ARHGEF6: variants seen among roughly 807,000 people sequenced by gnomAD.
The protein encoded by ARHGEF6 is Rac/Cdc42 guanine nucleotide exchange factor 6.
In ARHGEF6, 9 loss-of-function variants were observed where a neutral mutation model predicts 70.3. The observed-to-expected ratio is 0.13, with a 90% CI of 0.08 to 0.22. ARHGEF6 has a LOEUF of 0.22. Among genes scored for constraint, ARHGEF6 ranks in the 10% least tolerant of loss-of-function variants. The probability of loss-of-function intolerance (pLI) is 1.00; values close to 1 mark genes in which losing one functional copy is unlikely to be tolerated. For missense variants in ARHGEF6, 470 were observed against 563.0 expected, an observed-to-expected ratio of 0.83 and a Z score of 1.67; for synonymous variants, 201 against 207.8, an observed-to-expected ratio of 0.97 and a Z score of 0.28.
At chrX:136,729,038 CT>C in intron 6 of ARHGEF6, among the ~76,000 whole-genome samples, 1 of 96,189 alleles carries the variant, frequency 1.0e-5, no homozygotes, top group Non-Finnish European at 2.1e-5. Context: ...CTCTCTCTCT[CT>C]CTCTCTCTCT....
At chrX:136,764,267 C>T (rs2077291816) in intron 2 of ARHGEF6, among the ~76,000 whole-genome samples, 1 of 111,671 alleles carries the variant, frequency 9.0e-6, no homozygotes, top group African/African-American at 3.3e-5. Flanking sequence ...AGCAGTGACA[C>T]TGTAATGCAT....
chrX:136,697,244 C>T (rs1048196352), intron 9 of ARHGEF6, among the ~76,000 whole-genome samples: 1 of 111,690 alleles, frequency 9.0e-6, no homozygotes, highest in Non-Finnish European at 1.9e-5. Flanking sequence ...AGCTTAAGAG[C>T]TCTTGCCAAA....
At chrX:136,740,752 C>T (rs1164866231) in intron 5 of ARHGEF6, among the ~76,000 whole-genome samples, 2 of 111,748 alleles carry the variant, frequency 1.8e-5, no homozygotes, top group Non-Finnish European at 3.8e-5. Flanking sequence ...TGTTCACTTC[C>T]CAGGTCCCCT....
rs907177107 is a variant in ARHGEF6, at chrX:136,745,495, A to G, written c.335-148T>C. 3.8e-6 allele frequency: 3 copies of G among 780,796 alleles called. No individual in the cohort carries two copies. In the African/African-American group the frequency reaches 6.2e-5, roughly 16 times the overall value. 64.3% of individuals were successfully genotyped at this position (780,796 alleles called of 1,213,427 possible). On this transcript the variant is annotated intron_variant, in intron 3 of 21. Coordinates refer to ENST00000250617, the MANE Select transcript of ARHGEF6 (RefSeq NM_004840.3). ...TTATGAACATGCCAAGTGTATTTCA[A>G]TCCCCCTTCCCTTTTTGGTGGCCAA...
Position 136,665,683 on chromosome X carries a change from G to A in ARHGEF6, c.*2346C>T, listed in dbSNP as rs41312580. On this transcript the variant is annotated 3_prime_UTR_variant, in exon 22 of 22. Coordinates refer to ENST00000250617, the MANE Select transcript of ARHGEF6 (RefSeq NM_004840.3). The stretch of plus-strand genomic sequence containing the variant: ...AGAAAAGGAACTGAAAGGCCTCTAC[G>A]GGCAGCAGTTTAATTACAGGGCAAC... 7.6e-3 allele frequency: 861 copies of A among 112,740 alleles called. 13 individuals carry two copies. The highest frequency in any genetic ancestry group is 0.029 in the East Asian group (107 of 3,699). 9.3% of individuals were successfully genotyped at this position (112,740 alleles called of 1,213,427 possible).
intron 5 of ARHGEF6, among the ~76,000 whole-genome samples, chrX:136,733,861 G>T (rs1340654254): frequency 8.9e-6 from 1 of 111,899 alleles, no homozygotes; most frequent in African/African-American, 3.2e-5. Context: ...GATACCCAGA[G>T]ATAAAGCTAC....
At chrX:136,755,464 G>T (rs937543750) in intron 2 of ARHGEF6, among the ~76,000 whole-genome samples, 1 of 111,567 alleles carries the variant, frequency 9.0e-6, no homozygotes, top group Non-Finnish European at 1.9e-5. Flanking sequence ...TGGAGAGAAG[G>T]CTCCCTTGGT....
At chrX:136,749,379 T>G (rs1260020273) in intron 2 of ARHGEF6, among the ~76,000 whole-genome samples, 1 of 111,541 alleles carries the variant, frequency 9.0e-6, no homozygotes, top group Non-Finnish European at 1.9e-5. Flanking sequence ...TCAGTCCTAA[T>G]GGGAGTGTGC....
chrX:136,772,690 C>T (rs1343981206), intron 2 of ARHGEF6, among the ~76,000 whole-genome samples: 1 of 111,334 alleles, frequency 9.0e-6, no homozygotes, highest in Non-Finnish European at 1.9e-5. Context: ...GGCAAAACCC[C>T]GTCTCTACTT....
chrX:136,676,510 C>T lies in ARHGEF6; in HGVS notation c.1945+114G>A, dbSNP rs780228205. 70 of 567,292 alleles carry T rather than the reference C, an allele frequency of 1.2e-4. No individual in the cohort carries two copies. In the South Asian group the frequency reaches 1.4e-3, roughly 11 times the overall value. The allele number at this position is 567,292 out of a possible 1,213,427, so 46.8% of individuals were successfully genotyped here. The stretch of plus-strand genomic sequence containing the variant: ...TGCATTCTTCTTTATATGTAAAAGA[C>T]GATGTCAAGAAAAAATTGCTCCAAT... On this transcript the variant is annotated intron_variant, in intron 18 of 21. Transcript: ENST00000250617.
chrX:136,727,521 C>G (rs190137122), intron 6 of ARHGEF6, among the ~76,000 whole-genome samples: 1,721 of 97,024 alleles, frequency 0.018, 20 homozygotes, highest in Non-Finnish European at 0.027. Context: ...CCCTCCCTCC[C>G]TCTCTCTCTC....
chrX:136,735,973 T>C (rs2076981351), intron 5 of ARHGEF6, among the ~76,000 whole-genome samples: 1 of 111,795 alleles, frequency 8.9e-6, no homozygotes, highest in Non-Finnish European at 1.9e-5. Flanking sequence ...CTATATTTAC[T>C]GCTAATAAGA....
intron 5 of ARHGEF6, among the ~76,000 whole-genome samples, chrX:136,734,932 T>C (rs2076970997): frequency 9.0e-6 from 1 of 111,567 alleles, no homozygotes. Context: ...ATTAAACACC[T>C]ATTCGAAAAA....
chrX:136,677,771 C>T (rs1433627372), intron 17 of ARHGEF6, among the ~76,000 whole-genome samples, 165 bp downstream of exon 17: 2 of 111,120 alleles, frequency 1.8e-5, no homozygotes, highest in Non-Finnish European at 3.8e-5. Flanking sequence ...TTCACACAAG[C>T]CTGCTTTTTG....
chrX:136,748,780 A>G (rs1171420503), intron 2 of ARHGEF6, among the ~76,000 whole-genome samples: 4 of 112,333 alleles, frequency 3.6e-5, no homozygotes, highest in African/African-American at 1.3e-4. Context: ...CATTAGGTAG[A>G]GCCATTTGTT....
chrX:136,702,511 A>AT lies in ARHGEF6; in HGVS notation c.1046+4396dup, dbSNP rs775988763. 3.1e-3 allele frequency among the ~76,000 whole-genome samples: 346 copies of AT among 112,497 alleles called. 2 individuals carry two copies. Among genetic ancestry groups the AT allele is most frequent in the African/African-American group, 0.011 (336 of 31,023 alleles). On this transcript the variant is annotated intron_variant, in intron 9 of 21. Transcript: ENST00000250617. The stretch of plus-strand genomic sequence containing the variant: ...TTGTCTACAACATATATTTTAATCT[A>AT]TGACAATTAAAAGTAAAGAGATGAA...
intron 9 of ARHGEF6, among the ~76,000 whole-genome samples, chrX:136,705,911 G>A (rs1268737462): frequency 8.9e-6 from 1 of 112,398 alleles, no homozygotes; most frequent in East Asian, 2.8e-4. Flanking sequence ...GTCAACTAAT[G>A]TTCTAGCCTA....
intron 19 of ARHGEF6, among the ~76,000 whole-genome samples, chrX:136,673,782 A>G (rs2076249777): frequency 9.0e-6 from 1 of 111,298 alleles, no homozygotes; most frequent in African/African-American, 3.3e-5. Context: ...CTTCATGGCC[A>G]AATGCGTCAA....
intron 9 of ARHGEF6, among the ~76,000 whole-genome samples, chrX:136,704,167 G>A (rs2076603584): frequency 8.9e-6 from 1 of 112,329 alleles, no homozygotes; most frequent in Non-Finnish European, 1.9e-5. Context: ...TAAGCAAGAT[G>A]AAAAGATGCG....
Sources: allele counts gnomAD v4.1 joint callset (sites outside exome capture counted in the v4.1 genomes callset), GRCh38; gene constraint gnomAD v4.1.1; transcripts MANE v1.5; gene names NCBI Gene and HGNC (gene_info 2026-07-23, HGNC 2026-07-21).